Variants in CPS1 observed in about 807,000 individuals in gnomAD.
The protein encoded by CPS1 is carbamoyl-phosphate synthase [ammonia], mitochondrial.
A neutral mutation model predicts 174.6 loss-of-function variants in CPS1; 109 were observed. The observed-to-expected ratio is 0.62, with a 90% CI of 0.53 to 0.73. CPS1 has a LOEUF of 0.73. CPS1 is among the 30% of genes least tolerant of loss of function. The pLI is 0.00. For synonymous variants in CPS1, 637 were observed against 632.0 expected, an observed-to-expected ratio of 1.01 and a Z score of -0.12; for missense variants, 1,689 against 1,821.9, an observed-to-expected ratio of 0.93 and a Z score of 1.33.
intron 21 of CPS1, among the ~76,000 whole-genome samples, chr2:210,624,119 TA>T (rs1264508074): frequency 6.6e-6 from 1 of 152,178 alleles, no homozygotes; most frequent in African/African-American, 2.4e-5. Context: ...ATTTTGGATA[TA>T]GAAATGAGAA....
At chr2:210,584,187 C>T (rs577969347) in intron 6 of CPS1, among the ~76,000 whole-genome samples, 1 of 152,158 alleles carries the variant, frequency 6.6e-6, no homozygotes, top group East Asian at 1.9e-4. Context: ...CTTCTCTTTC[C>T]TAGGACTATG....
At chr2:210,655,444 A>G (rs1043140439) in intron 29 of CPS1, among the ~76,000 whole-genome samples, 1 of 152,156 alleles carries the variant, frequency 6.6e-6, no homozygotes, top group African/African-American at 2.4e-5. Flanking sequence ...TTATTCACAT[A>G]GTTTTTAAAT....
chr2:210,570,311 A>G (rs974766911), intron 1 of CPS1, among the ~76,000 whole-genome samples: 1 of 152,004 alleles, frequency 6.6e-6, no homozygotes, highest in African/African-American at 2.4e-5. Context: ...ATTTCACGCA[A>G]TAGCAAATGT....
chr2:210,610,759 G>A (rs1372059766), intron 19 of CPS1, among the ~76,000 whole-genome samples: 1 of 151,444 alleles, frequency 6.6e-6, no homozygotes, highest in Non-Finnish European at 1.5e-5. Flanking sequence ...GTTTCAAAAA[G>A]CAAAAATATA....
At chr2:210,519,623 C>T in intron 1 of CPS1, 1 of 299,274 alleles carries the variant, frequency 3.3e-6, no homozygotes, top group Non-Finnish European at 4.9e-6. Flanking sequence ...TCCTGCCCTA[C>T]ATGGATTTTG....
intron 21 of CPS1, among the ~76,000 whole-genome samples, chr2:210,627,676 A>C (rs1382701545): frequency 6.6e-6 from 1 of 152,184 alleles, no homozygotes; most frequent in Non-Finnish European, 1.5e-5. Context: ...TAGAAGATCA[A>C]TTTTGACTTG....
intron 1 of CPS1, among the ~76,000 whole-genome samples, chr2:210,516,112 G>A (rs1408146834): frequency 1.3e-5 from 2 of 151,706 alleles, no homozygotes; most frequent in Admixed American, 1.3e-4. Flanking sequence ...AATTTGAATG[G>A]CTGAGCATGT....
intron 17 of CPS1, among the ~76,000 whole-genome samples, chr2:210,606,499 G>T (rs541224109): frequency 6.6e-6 from 1 of 151,962 alleles, no homozygotes; most frequent in South Asian, 2.1e-4. Flanking sequence ...TTGAAGCCTT[G>T]ATAGCTACTT....
chr2:210,669,090 G>A (rs2105934327), intron 34 of CPS1, among the ~76,000 whole-genome samples: 1 of 152,220 alleles, frequency 6.6e-6, no homozygotes, highest in East Asian at 1.9e-4. Flanking sequence ...TCATTGGTAA[G>A]CCTTCTAGGT....
At chr2:210,565,286 A>G (rs1277982106) in intron 1 of CPS1, among the ~76,000 whole-genome samples, 1 of 152,094 alleles carries the variant, frequency 6.6e-6, no homozygotes, top group African/African-American at 2.4e-5. Context: ...CTAGTAATTT[A>G]ATCTTTAATT....
intron 29 of CPS1, among the ~76,000 whole-genome samples, chr2:210,655,766 C>T (rs868533601): frequency 8.5e-5 from 13 of 152,124 alleles, no homozygotes; most frequent in South Asian, 2.1e-4. Flanking sequence ...TGTTTTAAGA[C>T]GTTGCTAAAT....
chr2:210,508,348 A>G (rs1559741296), intron 1 of CPS1, among the ~76,000 whole-genome samples: 1 of 151,836 alleles, frequency 6.6e-6, no homozygotes, highest in Admixed American at 6.6e-5. Flanking sequence ...AAGACACAAC[A>G]TACCAGAATC....
At chr2:210,673,520 A>G (rs558771196) in intron 34 of CPS1, 4 of 152,356 alleles carry the variant, frequency 2.6e-5, no homozygotes, top group African/African-American at 7.2e-5. Flanking sequence ...GAGATGGAGC[A>G]TTAGGGAAGC....
Position 210,648,540 on chromosome 2 carries a change from G to C in CPS1, c.3404G>C (p.Ser1135Thr). Residue 1135 changes from serine to threonine, a missense_variant and splice_region_variant, in exon 27 of 38, where the codon AGT (serine) becomes ACT (threonine). Transcript: ENST00000233072. Reference sequence around the variant, plus strand: ...TTGTTGAGGCCTTCCTATGTTTTGAGGTAACACTGTATATTGTTTTCCAAA... The same window carrying C: ...TTGTTGAGGCCTTCCTATGTTTTGACGTAACACTGTATATTGTTTTCCAAA... ...PCLLRPSYVL[S>T]GSAMNVVFSE... 1 of 1,612,602 alleles carries C rather than the reference G, an allele frequency of 6.2e-7. No homozygotes were observed. The highest frequency in any genetic ancestry group is 1.1e-5 in the South Asian group (1 of 91,052).
intron 20 of CPS1, 106 bp from the exon 21 acceptor site, chr2:210,616,317 G>A (rs964262910): frequency 1.3e-5 from 10 of 786,390 alleles, no homozygotes; most frequent in East Asian, 9.9e-5. Flanking sequence ...CTACAGTCTC[G>A]GGCTCTCTAA....
chr2:210,607,470 A>T (rs1038400982), intron 18 of CPS1, among the ~76,000 whole-genome samples: 1 of 151,980 alleles, frequency 6.6e-6, no homozygotes, highest in Non-Finnish European at 1.5e-5. Flanking sequence ...AGCAGGCATG[A>T]TTGGAGGGAA....
At chr2:210,562,403 G>A (rs571002126) in intron 1 of CPS1, among the ~76,000 whole-genome samples, 131 of 152,236 alleles carry the variant, frequency 8.6e-4, no homozygotes, top group African/African-American at 3.2e-3. Context: ...TGAAGTGTTA[G>A]GCCTTGTAAC....
chr2:210,671,328 G>A (rs1475506657), intron 34 of CPS1, among the ~76,000 whole-genome samples: 2 of 152,118 alleles, frequency 1.3e-5, no homozygotes, highest in African/African-American at 4.8e-5. Context: ...CTTTAATATG[G>A]AATCATTAGG....
chr2:210,649,805 C>T (rs903776567), intron 27 of CPS1, among the ~76,000 whole-genome samples: 3 of 152,100 alleles, frequency 2.0e-5, no homozygotes, highest in African/African-American at 7.2e-5. Context: ...CATTTTTTCT[C>T]AAGCATTTAA....
Sources: allele counts gnomAD v4.1 joint callset (sites outside exome capture counted in the v4.1 genomes callset), GRCh38; gene constraint gnomAD v4.1.1; transcripts MANE v1.5; gene names NCBI Gene and HGNC (gene_info 2026-07-23, HGNC 2026-07-21).